The following AP1B1 variants were observed in gnomAD, a reference collection of about 807,000 sequenced individuals.
AP1B1 encodes AP-1 complex subunit beta-1.
A neutral mutation model predicts 104.3 loss-of-function variants in AP1B1; 36 were observed. The ratio of observed to expected loss-of-function variants is 0.35; its 90% CI spans 0.26 to 0.46. The LOEUF is 0.46. Among genes scored for constraint, AP1B1 ranks in the 20% least tolerant of loss-of-function variants. AP1B1 has a pLI of 1.00. For missense variants in AP1B1, 901 were observed against 1,247.9 expected (o/e 0.72, Z 4.19); for synonymous variants, 504 against 517.5 (o/e 0.97, Z 0.35).
chr22:29,348,969 T>C (rs2061831809), intron 11 of AP1B1, among the ~76,000 whole-genome samples: 2 of 152,238 alleles, frequency 1.3e-5, no homozygotes, highest in South Asian at 2.1e-4. Context: ...AATATGACTA[T>C]GGAATTAAAA....
chr22:29,354,079 G>T (rs1464914113), intron 7 of AP1B1, among the ~76,000 whole-genome samples: 1 of 152,156 alleles, frequency 6.6e-6, no homozygotes, highest in Non-Finnish European at 1.5e-5. Context: ...CATTCTCATG[G>T]GAGGGAAGTG....
At chr22:29,351,379 T>TGGA in intron 8 of AP1B1, 113 bp from the exon 9 acceptor site, 2 of 1,244,444 alleles carry the variant, frequency 1.6e-6, no homozygotes, top group Non-Finnish European at 2.4e-6. Flanking sequence ...TTCTGCCTCC[T>TGGA]GCTCCAGGTA....
intron 1 of AP1B1, among the ~76,000 whole-genome samples, chr22:29,373,801 C>G (rs2062283821): frequency 6.6e-6 from 1 of 151,464 alleles, no homozygotes; most frequent in African/African-American, 2.4e-5. Context: ...ACATGGGAGG[C>G]TGAAGCACAA....
Position 29,351,242 on chromosome 22 carries a change from C to T in AP1B1, c.1084G>A (p.Ala362Thr), listed in dbSNP as rs779869503. 20 of 1,614,074 alleles carry T rather than the reference C, an allele frequency of 1.2e-5. No homozygotes were observed. The highest frequency in any genetic ancestry group is 4.5e-5 in the East Asian group (2 of 44,894). The change falls in exon 9 of 23, where the codon GCA (alanine) becomes ACA (threonine). Residue 362 changes from alanine (A) to threonine (T), a missense_variant. Around this residue, in one of 3 missense-constraint regions of AP1B1, gnomAD observed 471 missense variants for 696.7 expected, o/e 0.68. Coordinates refer to ENST00000357586, the MANE Select transcript of AP1B1 (RefSeq NM_001127.4). ...AQVLAELKEYATEVDVDFVRK... is the reference protein window; with the variant it reads ...AQVLAELKEYTTEVDVDFVRK... Reference sequence around the variant, plus strand: ...ACAAAGTCCACATCCACTTCTGTTGCGTACTCTTTCAGCTCTGCCAACACC... The same window carrying T: ...ACAAAGTCCACATCCACTTCTGTTGTGTACTCTTTCAGCTCTGCCAACACC...
At chr22:29,352,884 G>A (rs1237886372) in intron 7 of AP1B1, among the ~76,000 whole-genome samples, 4 of 152,326 alleles carry the variant, frequency 2.6e-5, no homozygotes, top group African/African-American at 9.6e-5. Context: ...TGCTGTGAGA[G>A]TGAGACGAGA....
intron 11 of AP1B1, among the ~76,000 whole-genome samples, chr22:29,346,304 T>C (rs747505384): frequency 6.6e-6 from 1 of 152,116 alleles, no homozygotes; most frequent in Non-Finnish European, 1.5e-5. Flanking sequence ...CTGACCCTAT[T>C]ATAGGGGCAG....
intron 2 of AP1B1, among the ~76,000 whole-genome samples, chr22:29,365,332 C>T (rs183147861): frequency 6.6e-6 from 1 of 152,226 alleles, no homozygotes; most frequent in East Asian, 1.9e-4. Flanking sequence ...AAGAAATCCA[C>T]TAAAAAACCC....
chr22:29,351,812 T>G lies in AP1B1; in HGVS notation c.952A>C (p.Lys318Gln). 6.2e-7 allele frequency: 1 copy of G among 1,614,230 alleles called. No homozygotes were observed. The highest frequency in any genetic ancestry group is 1.3e-5 in the African/African-American group (1 of 75,074). ...ACGAAGAACACCTTCATCTCATGCT[T>G]CAGGATCTCAGGCCTGGTGGTGGGG... The part of the protein sequence containing the change: ...LIVQKRPEIL[K>Q]HEMKVFFVKY... Residue 318 changes from lysine (K) to glutamine (Q), a missense_variant, in exon 8 of 23, where the codon AAG (lysine) becomes CAG (glutamine). Lys to Gln is a moderately conservative substitution (Grantham distance 53). Coordinates refer to ENST00000357586, the MANE Select transcript of AP1B1 (RefSeq NM_001127.4).
At chr22:29,361,857 T>C (rs2062052504) in intron 3 of AP1B1, among the ~76,000 whole-genome samples, 1 of 151,804 alleles carries the variant, frequency 6.6e-6, no homozygotes, top group African/African-American at 2.4e-5. Flanking sequence ...TGCAGTGGCG[T>C]GATCTTGGCT....
At chr22:29,350,271 G>A in intron 9 of AP1B1, 121 bp from the exon 10 acceptor site, 1 of 690,170 alleles carries the variant, frequency 1.4e-6, no homozygotes, top group Non-Finnish European at 2.5e-6. Context: ...TCATCACAGT[G>A]GGAAAACAGG....
At chr22:29,378,540 G>C (rs1258638473) in intron 1 of AP1B1, among the ~76,000 whole-genome samples, 1 of 55,630 alleles carries the variant, frequency 1.8e-5, no homozygotes, top group Non-Finnish European at 3.2e-5. Context: ...GCGAGAGAAA[G>C]AAACTCCGTA....
intron 1 of AP1B1, among the ~76,000 whole-genome samples, chr22:29,387,307 T>C (rs1322366784): frequency 7.3e-6 from 1 of 136,466 alleles, no homozygotes; most frequent in Non-Finnish European, 1.5e-5. Context: ...CTAAAAATCT[T>C]TTTTTTTTTT....
At position 29,341,614 on chromosome 22, in the gene AP1B1, G is replaced by A. The variant is rs560553452; in HGVS notation, c.1683C>T (p.Asp561=). ...GCGTGCCGATGTAGCAGATAAGCTCGTCTAACAGTGTGGGCTCGATGAGGT... is the reference window on the plus strand; with the variant it reads ...GCGTGCCGATGTAGCAGATAAGCTCATCTAACAGTGTGGGCTCGATGAGGT... ...ETDLIEPTLL[D]ELICYIGTLA... The change falls in exon 13 of 23, where the codon GAC becomes GAT. Residue 561 remains aspartate (D), a synonymous_variant. Transcript: ENST00000357586. The A allele has an allele frequency of 8.1e-6, 13 of 1,614,232 alleles. No individual in the cohort carries two copies. In the South Asian group the frequency reaches 8.8e-5, roughly 11 times the overall value.
chr22:29,339,901 G>A (rs747817000), intron 14 of AP1B1, 127 bp from the exon 15 acceptor site: 114 of 1,051,724 alleles, frequency 1.1e-4, no homozygotes, highest in Non-Finnish European at 1.5e-4. Context: ...AGCTCCATCC[G>A]AGAGGAGTGT....
chr22:29,345,225 ATT>A (rs1287658728), intron 11 of AP1B1, among the ~76,000 whole-genome samples: 4 of 133,848 alleles, frequency 3.0e-5, no homozygotes, highest in African/African-American at 1.1e-4. Flanking sequence ...CACCCAGTTC[ATT>A]TTTTTTTTTT....
intron 1 of AP1B1, among the ~76,000 whole-genome samples, chr22:29,386,702 G>C (rs1203731580): frequency 6.6e-6 from 1 of 152,192 alleles, no homozygotes; most frequent in Non-Finnish European, 1.5e-5. Context: ...TTCTTCAGAA[G>C]CCATGTGGAA....
At chr22:29,341,402 G>A (rs2061712182) in intron 13 of AP1B1, 99 bp downstream of exon 13, 1 of 1,467,758 alleles carries the variant, frequency 6.8e-7, no homozygotes. Context: ...CTCAGACTCA[G>A]GTCTTGCTGG....
intron 1 of AP1B1, among the ~76,000 whole-genome samples, chr22:29,375,487 A>ATGTTTG (rs1427760875): frequency 6.6e-6 from 1 of 151,974 alleles, no homozygotes; most frequent in Non-Finnish European, 1.5e-5. Context: ...AGCTCACCAA[A>ATGTTTG]TGTTTGCTGG....
At chr22:29,359,084 T>C in intron 4 of AP1B1, 113 bp from the exon 5 acceptor site, 1 of 1,108,128 alleles carries the variant, frequency 9.0e-7, no homozygotes, top group Non-Finnish European at 1.3e-6. Context: ...ATCAGATGGC[T>C]GCTGTGGATC....
Sources: gnomAD v4.1 joint callset for allele counts (sites outside exome capture counted in the v4.1 genomes callset) on GRCh38, gnomAD v4.1.1 for gene constraint, gnomAD v4.1.1 regional missense constraint, MANE v1.5 for transcripts, NCBI Gene and HGNC (gene_info 2026-07-23, HGNC 2026-07-21) for gene names.